Variants in STT3B observed in about 807,000 individuals in gnomAD.
The protein encoded by STT3B is STT3 oligosaccharyltransferase complex catalytic subunit B, also known as dolichyl-diphosphooligosaccharide--protein glycosyltransferase subunit STT3B.
A neutral mutation model predicts 96.8 loss-of-function variants in STT3B; 29 were observed. That is an observed-to-expected ratio of 0.30 (90% CI 0.22 to 0.41). The LOEUF is 0.41. STT3B is among the 10% of genes least tolerant of loss of function. The probability of loss-of-function intolerance (pLI) is 1.00; values close to 1 mark genes in which losing one functional copy is unlikely to be tolerated. For missense variants in STT3B, 640 were observed against 1,022.3 expected, an observed-to-expected ratio of 0.63 and a Z score of 5.10; for synonymous variants, 367 against 360.0, an observed-to-expected ratio of 1.02 and a Z score of -0.22.
chr3:31,596,236 A>C (rs1028063849), intron 3 of STT3B, among the ~76,000 whole-genome samples: 22 of 152,174 alleles, frequency 1.4e-4, no homozygotes. Context: ...GTCTGGGTTC[A>C]GTTAGGAGAG....
intron 1 of STT3B, among the ~76,000 whole-genome samples, chr3:31,551,201 TTTTG>T (rs147580075): frequency 0.01 from 1,549 of 150,816 alleles, 9 homozygotes; most frequent in Middle Eastern, 0.02. Flanking sequence ...TTTGGGTGTT[TTTTG>T]TTTGTTTGTT....
chr3:31,542,800 G>A (rs888352404), intron 1 of STT3B, among the ~76,000 whole-genome samples: 3 of 152,106 alleles, frequency 2.0e-5, no homozygotes, highest in Non-Finnish European at 4.4e-5. Context: ...GCTGGGTGTG[G>A]TGGCTCACGC....
chr3:31,559,146 G>GGGGGGGTGT (rs949401027), intron 1 of STT3B, among the ~76,000 whole-genome samples: 2 of 116,532 alleles, frequency 1.7e-5, no homozygotes, highest in Non-Finnish European at 3.5e-5. Flanking sequence ...TGATTCTTGG[G>GGGGGGGTGT]GTGTGTGTGT....
At chr3:31,576,328 TTAATA>T (rs1698262937) in intron 1 of STT3B, 63 bp from the exon 2 acceptor site, 2 of 849,544 alleles carry the variant, frequency 2.4e-6, no homozygotes, top group African/African-American at 1.7e-5. Context: ...GCCACAGAGT[TTAATA>T]TAAAGAAGGA....
Position 31,637,100 on chromosome 3 carries a change from A to T in STT3B, c.*1036A>T, listed in dbSNP as rs550156773. 1.3e-5 allele frequency: 2 copies of T among 152,260 alleles called. No homozygotes were observed. Among genetic ancestry groups the T allele is most frequent in the South Asian group, 2.1e-4 (1 of 4,824 alleles). 9.4% of individuals were successfully genotyped at this position (152,260 alleles called of 1,614,324 possible). ...TCTTTAGTGCTATATGCATTTTCTT[A>T]CTTTTGTTAAAAATGTGACAGTTGT... is the stretch of plus-strand genomic sequence containing the variant. On this transcript the variant is annotated 3_prime_UTR_variant, in exon 16 of 16. Transcript: ENST00000295770.
intron 1 of STT3B, among the ~76,000 whole-genome samples, chr3:31,546,577 T>C (rs544187480): frequency 4.5e-4 from 69 of 152,276 alleles, no homozygotes; most frequent in Non-Finnish European, 7.4e-4. Context: ...CAGACCTAGC[T>C]CAATGTTGAG....
At chr3:31,550,018 CCT>C (rs1191523238) in intron 1 of STT3B, among the ~76,000 whole-genome samples, 1 of 151,826 alleles carries the variant, frequency 6.6e-6, no homozygotes, top group Non-Finnish European at 1.5e-5. Context: ...GCTCTAACAG[CCT>C]CTTATTTTGT....
chr3:31,592,137 G>A (rs11712477), intron 3 of STT3B, among the ~76,000 whole-genome samples: 13,592 of 151,654 alleles, frequency 0.09, 657 homozygotes, highest in South Asian at 0.12. Context: ...CTTCCCCTCC[G>A]CCCCTGGCAC....
intron 3 of STT3B, among the ~76,000 whole-genome samples, chr3:31,588,516 G>C (rs1421798175): frequency 6.6e-6 from 1 of 151,994 alleles, no homozygotes; most frequent in African/African-American, 2.4e-5. Context: ...GATTTGCTCA[G>C]TATAGAGGAA....
At chr3:31,585,459 GTTATTA>G (rs761546971) in intron 3 of STT3B, among the ~76,000 whole-genome samples, 2 of 152,044 alleles carry the variant, frequency 1.3e-5, no homozygotes, top group East Asian at 3.8e-4. Context: ...GTACATGTTT[GTTATTA>G]TTTACGAGCA....
intron 3 of STT3B, among the ~76,000 whole-genome samples, chr3:31,590,768 C>T (rs1245889504): frequency 6.6e-6 from 1 of 152,082 alleles, no homozygotes; most frequent in Non-Finnish European, 1.5e-5. Context: ...CCTGGCCATT[C>T]ATAAACATAT....
At chr3:31,599,605 G>A (rs73826804) in intron 4 of STT3B, among the ~76,000 whole-genome samples, 8,076 of 152,172 alleles carry the variant, frequency 0.053, 736 homozygotes, top group African/African-American at 0.18. Context: ...ATACAAATGA[G>A]CCTTTCAAGC....
At chr3:31,619,965 G>T in intron 9 of STT3B, 135 bp downstream of exon 9, 1 of 1,509,050 alleles carries the variant, frequency 6.6e-7, no homozygotes, top group Non-Finnish European at 8.8e-7. Flanking sequence ...TTTTGCATAG[G>T]TGCTTAACCA....
intron 13 of STT3B, 119 bp downstream of exon 13, chr3:31,626,246 A>T: frequency 1.1e-6 from 1 of 916,956 alleles, no homozygotes; most frequent in South Asian, 2.0e-5. Context: ...TTAGTTCCTT[A>T]CCCTGGCTTT....
chr3:31,554,130 A>C (rs1369048591), intron 1 of STT3B, among the ~76,000 whole-genome samples: 1 of 152,228 alleles, frequency 6.6e-6, no homozygotes, highest in African/African-American at 2.4e-5. Context: ...TGCCAACCAC[A>C]GTTTGAGATA....
At chr3:31,588,681 T>C (rs918830264) in intron 3 of STT3B, among the ~76,000 whole-genome samples, 1 of 152,130 alleles carries the variant, frequency 6.6e-6, no homozygotes, top group Non-Finnish European at 1.5e-5. Context: ...TTTTGAGTTA[T>C]TTTCATGAAA....
chr3:31,626,047 A>G lies in STT3B; in HGVS notation c.1993A>G (p.Ile665Val). ...DYVLVIFGGV[I>V]GYSGDDINKF... The stretch of plus-strand genomic sequence containing the variant: ...TGTTTTGGTTATTTTTGGAGGGGTT[A>G]TTGGCTATTCTGGTGATGATATCAA... Residue 665 changes from isoleucine (I) to valine (V), a missense_variant, in exon 13 of 16, where the codon ATT becomes GTT. Coordinates refer to ENST00000295770, the MANE Select transcript of STT3B (RefSeq NM_178862.3). The G allele has an allele frequency of 6.2e-7, 1 of 1,613,812 alleles. No homozygotes were observed. Among genetic ancestry groups the G allele is most frequent in the Non-Finnish European group, 8.5e-7 (1 of 1,179,818 alleles).
intron 7 of STT3B, 111 bp downstream of exon 7, chr3:31,617,186 C>CTTTTTTTTTTTTTTTTTTTTTTT (rs5847707): frequency 2.1e-6 from 1 of 465,782 alleles, no homozygotes; most frequent in Non-Finnish European, 3.3e-6. Flanking sequence ...TGATTTTTTT[C>CTTTTTTTTTTTTTTTTTTTTTTT]TTTTTTTTTT....
At chr3:31,593,669 A>AT (rs1449594333) in intron 3 of STT3B, among the ~76,000 whole-genome samples, 23 of 151,970 alleles carry the variant, frequency 1.5e-4, no homozygotes, top group African/African-American at 5.1e-4. Flanking sequence ...TACTTAGTGA[A>AT]TTTTTTATTC....
Sources: allele counts gnomAD v4.1 joint callset (sites outside exome capture counted in the v4.1 genomes callset), GRCh38; gene constraint gnomAD v4.1.1; transcripts MANE v1.5; gene names NCBI Gene and HGNC (gene_info 2026-07-23, HGNC 2026-07-21).